The following KCNH5 variants were observed in gnomAD, a reference collection of about 807,000 sequenced individuals.
KCNH5 encodes voltage-gated delayed rectifier potassium channel KCNH5.
In KCNH5, 46 loss-of-function variants were observed where a neutral mutation model predicts 96.1. That is an observed-to-expected ratio of 0.48 (90% confidence interval 0.38 to 0.61). The LOEUF (loss-of-function observed/expected upper bound fraction) is 0.61, where lower values mean the gene tolerates loss of function less well. KCNH5 is among the 20% of genes least tolerant of loss of function. The probability of loss-of-function intolerance (pLI) is 0.00; values close to 1 mark genes in which losing one functional copy is unlikely to be tolerated. For missense variants in KCNH5, 907 were observed against 1,225.8 expected (o/e 0.74, Z 3.88); for synonymous variants, 439 against 449.8 (o/e 0.98, Z 0.30).
intron 7 of KCNH5, among the ~76,000 whole-genome samples, chr14:62,931,012 T>C (rs548941367): frequency 3.9e-5 from 6 of 152,182 alleles, no homozygotes; most frequent in African/African-American, 7.2e-5. Flanking sequence ...ATTTAAGGGA[T>C]TGGAGAGAGA....
At chr14:62,729,094 A>T (rs1884997314) in intron 10 of KCNH5, among the ~76,000 whole-genome samples, 1 of 152,168 alleles carries the variant, frequency 6.6e-6, no homozygotes, top group Non-Finnish European at 1.5e-5. Context: ...TCCCAAGGCT[A>T]TGTAACCCCC....
At chr14:62,924,605 T>C (rs1889438421) in intron 7 of KCNH5, among the ~76,000 whole-genome samples, 1 of 151,792 alleles carries the variant, frequency 6.6e-6, no homozygotes, top group African/African-American at 2.4e-5. Flanking sequence ...AAAGAAAATG[T>C]CTATATATTT....
intron 8 of KCNH5, among the ~76,000 whole-genome samples, chr14:62,843,833 G>A (rs1026031267): frequency 4.0e-5 from 6 of 151,408 alleles, no homozygotes; most frequent in Non-Finnish European, 7.4e-5. Flanking sequence ...TTTTAATATC[G>A]AACCAAGAAA....
At chr14:62,726,076 C>T (rs921921295) in intron 10 of KCNH5, among the ~76,000 whole-genome samples, 36 of 152,024 alleles carry the variant, frequency 2.4e-4, no homozygotes, top group African/African-American at 1.9e-4. Context: ...ATATAAGTAC[C>T]GGATAAATGG....
chr14:62,742,429 G>A (rs1428582875), intron 10 of KCNH5, among the ~76,000 whole-genome samples: 1 of 150,944 alleles, frequency 6.6e-6, no homozygotes, highest in Non-Finnish European at 1.5e-5. Context: ...GTACAGCTTT[G>A]GAATCACTGA....
At chr14:62,853,456 C>CATATATATATATATG (rs1491420978) in intron 7 of KCNH5, among the ~76,000 whole-genome samples, 77 of 93,248 alleles carry the variant, frequency 8.3e-4, no homozygotes, top group African/African-American at 1.7e-3. Flanking sequence ...AAAGAATAAT[C>CATATATATATATATG]ATATATATAT....
At chr14:62,746,162 A>C (rs535867962) in intron 10 of KCNH5, among the ~76,000 whole-genome samples, 1 of 152,348 alleles carries the variant, frequency 6.6e-6, no homozygotes, top group East Asian at 1.9e-4. Flanking sequence ...ACTTCTCTTC[A>C]ACAAATTAAA....
intron 8 of KCNH5, among the ~76,000 whole-genome samples, chr14:62,824,942 T>C (rs564538824): frequency 3.9e-5 from 6 of 152,074 alleles, no homozygotes; most frequent in Admixed American, 6.6e-5. Flanking sequence ...CACGATTTCA[T>C]TGTTTTTTTT....
At chr14:62,799,691 T>TTATATATATATATATATATATATATA (rs71410693) in intron 9 of KCNH5, among the ~76,000 whole-genome samples, 1 of 57,996 alleles carries the variant, frequency 1.7e-5, no homozygotes, top group African/African-American at 5.4e-5. Flanking sequence ...GTATATACCT[T>TTATATATATATATATATATATATATA]TATATATATA....
chr14:63,037,502 T>C (rs537180984), intron 1 of KCNH5, among the ~76,000 whole-genome samples: 1 of 152,316 alleles, frequency 6.6e-6, no homozygotes, highest in African/African-American at 2.4e-5. Flanking sequence ...ATTCTGAGAC[T>C]CTTTAACCCC....
At chr14:62,758,566 GCA>G (rs761964616) in intron 10 of KCNH5, among the ~76,000 whole-genome samples, 11 of 152,152 alleles carry the variant, frequency 7.2e-5, no homozygotes, top group Non-Finnish European at 1.2e-4. Context: ...AAGGGAAGCA[GCA>G]CACATTGCTT....
At chr14:62,727,851 T>C (rs1884965527) in intron 10 of KCNH5, among the ~76,000 whole-genome samples, 1 of 149,792 alleles carries the variant, frequency 6.7e-6, no homozygotes, top group Non-Finnish European at 1.5e-5. Context: ...AGTAGGTGAA[T>C]GCAAAAAGTA....
At chr14:63,006,869 G>A (rs1306926179) in intron 2 of KCNH5, among the ~76,000 whole-genome samples, 1 of 152,154 alleles carries the variant, frequency 6.6e-6, no homozygotes, top group African/African-American at 2.4e-5. Context: ...AAACAGCACG[G>A]CTGTTACTCA....
At chr14:62,955,442 T>C (rs149771639) in intron 6 of KCNH5, among the ~76,000 whole-genome samples, 38 of 152,292 alleles carry the variant, frequency 2.5e-4, no homozygotes, top group African/African-American at 8.2e-4. Context: ...TAAATTAAAA[T>C]TCAGAACAAT....
intron 2 of KCNH5, among the ~76,000 whole-genome samples, chr14:63,007,223 A>G (rs892460901): frequency 2.0e-5 from 3 of 152,184 alleles, no homozygotes; most frequent in African/African-American, 7.2e-5. Context: ...AGGTGACACC[A>G]GTTTAAAAAC....
intron 10 of KCNH5, among the ~76,000 whole-genome samples, chr14:62,736,456 T>A (rs1158534867): frequency 1.3e-5 from 2 of 150,908 alleles, no homozygotes; most frequent in Non-Finnish European, 2.9e-5. Flanking sequence ...AAGGTCAGCA[T>A]GACCATAAAC....
Position 62,707,512 on chromosome 14 carries a change from A to G in KCNH5, c.2963T>C (p.Phe988Ser). 7.0e-7 allele frequency: 1 copy of G among 1,419,820 alleles called. No homozygotes were observed. 88.0% of individuals were successfully genotyped at this position (1,419,820 alleles called of 1,614,324 possible). A position where few individuals can be genotyped will look rare whatever the true frequency, so the allele number is the denominator to read the frequency against. Residue 988 changes from phenylalanine (F) to serine (S), a missense_variant, in exon 11 of 11, where the codon TTT becomes TCT. Physicochemically the swap from Phe to Ser is radical, Grantham distance 155. This residue lies in a region of KCNH5 where 362 missense variants were observed against 394.4 expected (regional missense o/e 0.92). Coordinates refer to ENST00000322893, the MANE Select transcript of KCNH5 (RefSeq NM_139318.5). Reference protein sequence around the residue: ...SPESDKDEIHF With the variant: ...SPESDKDEIHS ...ACAAATATATATGTATATATATTAA[A>G]AGTGGATTTCATCTTTGTCAGATTC...
Position 62,813,114 on chromosome 14 carries a change from A to G in KCNH5, c.1570-10533T>C, listed in dbSNP as rs148570428. On this transcript the variant is annotated intron_variant, in intron 8 of 10. Coordinates refer to ENST00000322893, the MANE Select transcript of KCNH5 (RefSeq NM_139318.5). ...TAGGTAAAATGCCAAAACATCTTTA[A>G]GGCTGTTGCCAAACTGCATCCTAGA... 4.4e-3 allele frequency among the ~76,000 whole-genome samples: 664 copies of G among 152,266 alleles called. 9 individuals carry two copies. The highest frequency in any genetic ancestry group is 0.015 in the African/African-American group (634 of 41,572).
At chr14:63,016,764 G>C in intron 2 of KCNH5, 67 bp downstream of exon 2, 1 of 1,519,042 alleles carries the variant, frequency 6.6e-7, no homozygotes, top group Admixed American at 1.9e-5. Context: ...GTAAGCTTAA[G>C]CCTTTTAATT....
Sources: gnomAD v4.1 joint callset for allele counts (sites outside exome capture counted in the v4.1 genomes callset) on GRCh38, gnomAD v4.1.1 for gene constraint, gnomAD v4.1.1 regional missense constraint, MANE v1.5 for transcripts, NCBI Gene and HGNC (gene_info 2026-07-23, HGNC 2026-07-21) for gene names.